Variants in SLC8A1 observed in about 807,000 individuals in gnomAD.
SLC8A1 encodes the protein solute carrier family 8 member A1, also known as sodium/calcium exchanger 1.
A neutral mutation model predicts 68.3 loss-of-function variants in SLC8A1; 18 were observed. The observed-to-expected ratio is 0.26, with a 90% confidence interval of 0.18 to 0.39. The LOEUF (loss-of-function observed/expected upper bound fraction) is 0.39, where lower values mean the gene tolerates loss of function less well. SLC8A1 is among the 10% of genes least tolerant of loss of function. The pLI, the probability that SLC8A1 is intolerant of heterozygous loss-of-function variation, is 1.00. For missense variants in SLC8A1, 985 were observed against 1,156.7 expected (o/e 0.85, Z 2.15); for synonymous variants, 475 against 415.5 (o/e 1.14, Z -1.74).
At chr2:40,206,986 T>C (rs1038124628) in intron 2 of SLC8A1, among the ~76,000 whole-genome samples, 3 of 152,008 alleles carry the variant, frequency 2.0e-5, no homozygotes, top group Non-Finnish European at 2.9e-5. Context: ...GAAGAAGTCT[T>C]AACTAATTTA....
chr2:40,240,400 C>CT (rs2061054130), intron 2 of SLC8A1, among the ~76,000 whole-genome samples: 2 of 152,214 alleles, frequency 1.3e-5, no homozygotes, highest in Admixed American at 1.3e-4. Flanking sequence ...CTCGGCTGAG[C>CT]TTTTGGCACT....
chr2:40,488,413 C>T (rs879749215), intron 1 of SLC8A1, among the ~76,000 whole-genome samples: 2 of 151,774 alleles, frequency 1.3e-5, no homozygotes, highest in African/African-American at 2.4e-5. Flanking sequence ...GCAGGCAGAC[C>T]CTCTTGAAAC....
chr2:40,497,623 A>C (rs1371005325), intron 1 of SLC8A1, among the ~76,000 whole-genome samples: 4 of 151,948 alleles, frequency 2.6e-5, no homozygotes, highest in Admixed American at 1.3e-4. Flanking sequence ...ATATGTTAGG[A>C]AATGGAGATC....
intron 2 of SLC8A1, among the ~76,000 whole-genome samples, chr2:40,307,331 T>C (rs929948699): frequency 3.3e-5 from 5 of 152,112 alleles, no homozygotes; most frequent in Non-Finnish European, 5.9e-5. Flanking sequence ...ATATGAAGTA[T>C]CTGAAGTAGT....
exon 8 of SLC8A1, chr2:40,111,600 C>CCT (rs1471025535): frequency 3.9e-5 from 6 of 152,038 alleles, no homozygotes; most frequent in Non-Finnish European, 8.8e-5. Flanking sequence ...AGTACACAAA[C>CCT]CTTAGAGGTC....
At chr2:40,163,787 C>G (rs72937274) in intron 5 of SLC8A1, among the ~76,000 whole-genome samples, 2,385 of 152,292 alleles carry the variant, frequency 0.016, 72 homozygotes, top group African/African-American at 0.054. Flanking sequence ...TTAAAATATT[C>G]CACTTTAATT....
At chr2:40,219,650 T>C (rs1374227677) in intron 2 of SLC8A1, among the ~76,000 whole-genome samples, 2 of 152,202 alleles carry the variant, frequency 1.3e-5, no homozygotes, top group Non-Finnish European at 2.9e-5. Flanking sequence ...TTTCTTCTCT[T>C]CAGACTTTTA....
At chr2:40,469,412 A>AT (rs1703880872) in intron 1 of SLC8A1, among the ~76,000 whole-genome samples, 1 of 152,154 alleles carries the variant, frequency 6.6e-6, no homozygotes, top group Non-Finnish European at 1.5e-5. Flanking sequence ...TTTGCCTTCC[A>AT]TCATGACTGT....
intron 2 of SLC8A1, among the ~76,000 whole-genome samples, chr2:40,326,195 G>A (rs754404348): frequency 1.4e-4 from 21 of 152,228 alleles, no homozygotes; most frequent in Non-Finnish European, 2.6e-4. Flanking sequence ...GCTAGGGACC[G>A]CAGCGTGGAA....
At chr2:40,405,293 C>T (rs950139821) in intron 2 of SLC8A1, among the ~76,000 whole-genome samples, 1 of 152,114 alleles carries the variant, frequency 6.6e-6, no homozygotes, top group Admixed American at 6.6e-5. Flanking sequence ...GAGACATACA[C>T]CTACAATTGC....
At chr2:40,384,228 G>T (rs1682854470) in intron 2 of SLC8A1, among the ~76,000 whole-genome samples, 1 of 152,030 alleles carries the variant, frequency 6.6e-6, no homozygotes, top group Non-Finnish European at 1.5e-5. Flanking sequence ...CTGCACTTTA[G>T]TCTGGGAGAC....
intron 2 of SLC8A1, among the ~76,000 whole-genome samples, chr2:40,366,550 T>C (rs1014849837): frequency 6.6e-6 from 1 of 152,086 alleles, no homozygotes; most frequent in Non-Finnish European, 1.5e-5. Context: ...TCCTCACAAA[T>C]AGGCTGTTCT....
chr2:40,358,757 T>A (rs1243698427), intron 2 of SLC8A1, among the ~76,000 whole-genome samples: 3 of 152,186 alleles, frequency 2.0e-5, no homozygotes, highest in Admixed American at 6.5e-5. Context: ...AGACTCCTAC[T>A]CTCATAAGGT....
intron 2 of SLC8A1, among the ~76,000 whole-genome samples, chr2:40,322,267 T>C (rs531051704): frequency 1.6e-4 from 24 of 152,216 alleles, no homozygotes; most frequent in African/African-American, 5.8e-4. Context: ...TAACCTTTCT[T>C]TTTTTCATTC....
intron 2 of SLC8A1, among the ~76,000 whole-genome samples, chr2:40,318,059 A>T (rs2074706728): frequency 1.3e-5 from 2 of 152,092 alleles, no homozygotes; most frequent in South Asian, 4.1e-4. Flanking sequence ...CTAAATATGG[A>T]TTCACGGCAA....
intron 2 of SLC8A1, chr2:40,250,524 G>C (rs548752333): frequency 6.8e-4 from 82 of 121,240 alleles, no homozygotes; most frequent in African/African-American, 2.5e-3. Context: ...GTGCAAGCGT[G>C]GGGGGGCGGT....
At chr2:40,341,737 T>C (rs1406048205) in intron 2 of SLC8A1, among the ~76,000 whole-genome samples, 1 of 152,190 alleles carries the variant, frequency 6.6e-6, no homozygotes, top group Admixed American at 6.5e-5. Context: ...TTTTAAACTC[T>C]GGGGTTCTAC....
chr2:40,509,745 T>G (rs1342090687), intron 1 of SLC8A1, among the ~76,000 whole-genome samples: 1 of 152,158 alleles, frequency 6.6e-6, no homozygotes, highest in Non-Finnish European at 1.5e-5. Flanking sequence ...TCAAATTTTT[T>G]CATCATACTT....
chr2:40,400,904 TAAACTCAGTGGG>T (rs976280647), intron 2 of SLC8A1, among the ~76,000 whole-genome samples: 33 of 152,090 alleles, frequency 2.2e-4, no homozygotes, highest in Non-Finnish European at 3.8e-4. Context: ...CAGGGAGCAG[TAAACTCAGTGGG>T]AAAAGCCACA....
Sources: gnomAD v4.1 joint callset for allele counts (sites outside exome capture counted in the v4.1 genomes callset) on GRCh38, gnomAD v4.1.1 for gene constraint, MANE v1.5 for transcripts, NCBI Gene and HGNC (gene_info 2026-07-23, HGNC 2026-07-21) for gene names.